Variants in HAVCR2 observed in about 807,000 individuals in gnomAD.
The protein encoded by HAVCR2 is hepatitis A virus cellular receptor 2.
Under a neutral mutation model 24.7 loss-of-function variants are expected in HAVCR2, and 13 were observed. The observed-to-expected ratio is 0.53, with a 90% confidence interval of 0.34 to 0.84. The LOEUF is 0.84. HAVCR2 is among the 40% of genes least tolerant of loss of function. The pLI, the probability that HAVCR2 is intolerant of heterozygous loss-of-function variation, is 0.01. For synonymous variants in HAVCR2, 154 were observed against 143.4 expected (o/e 1.07, Z -0.53); for missense variants, 343 against 371.2 (o/e 0.92, Z 0.62).
chr5:157,108,761 C>A (rs992915297), intron 1 of HAVCR2, among the ~76,000 whole-genome samples, 165 bp downstream of exon 1: 10 of 152,174 alleles, frequency 6.6e-5, no homozygotes, highest in African/African-American at 2.4e-4. Context: ...CTGTTTGTAT[C>A]ATGATTATAT....
intron 2 of HAVCR2, among the ~76,000 whole-genome samples, chr5:157,105,262 C>A (rs927772858): frequency 4.6e-5 from 7 of 152,116 alleles, no homozygotes; most frequent in African/African-American, 1.7e-4. Flanking sequence ...CAGGGTTTCT[C>A]CATGTTGGTC....
chr5:157,107,972 A>G (rs1433803206), intron 1 of HAVCR2, among the ~76,000 whole-genome samples: 2 of 151,492 alleles, frequency 1.3e-5, no homozygotes, highest in Non-Finnish European at 2.9e-5. Context: ...CCTGTCTCTC[A>G]GGTGCCTCCT....
At chr5:157,099,986 G>A (rs576436529) in intron 3 of HAVCR2, among the ~76,000 whole-genome samples, 5 of 152,288 alleles carry the variant, frequency 3.3e-5, no homozygotes, top group Admixed American at 6.5e-5. Flanking sequence ...GTGAGCCACC[G>A]TGCCGTGCCC....
intron 1 of HAVCR2, among the ~76,000 whole-genome samples, chr5:157,108,129 T>C (rs1757278866): frequency 6.6e-6 from 1 of 152,078 alleles, no homozygotes; most frequent in Non-Finnish European, 1.5e-5. Flanking sequence ...ATTTTTTATG[T>C]CCCCTTTGTT....
chr5:157,108,758 T>C (rs112924870), intron 1 of HAVCR2, among the ~76,000 whole-genome samples, 168 bp downstream of exon 1: 1 of 152,244 alleles, frequency 6.6e-6, no homozygotes, highest in Non-Finnish European at 1.5e-5. Flanking sequence ...TCACTGTTTG[T>C]ATCATGATTA....
intron 3 of HAVCR2, among the ~76,000 whole-genome samples, chr5:157,102,796 G>T (rs950565254): frequency 6.6e-6 from 1 of 152,070 alleles, no homozygotes; most frequent in Non-Finnish European, 1.5e-5. Flanking sequence ...TTAGCGGGGC[G>T]TGGTGGCGCG....
chr5:157,105,731 C>CT (rs1757237929), intron 2 of HAVCR2, among the ~76,000 whole-genome samples: 1 of 152,178 alleles, frequency 6.6e-6, no homozygotes, highest in Non-Finnish European at 1.5e-5. Flanking sequence ...GTCTGTTCAC[C>CT]TCCCAGCATA....
In HAVCR2 at chr5:157,106,866, C is replaced by T; in HGVS notation, c.155G>A (p.Cys52Tyr). Residue 52 changes from cysteine (C) to tyrosine (Y), a missense_variant, in exon 2 of 7, where the codon TGC (cysteine) becomes TAC (tyrosine). Transcript: ENST00000307851. ...PAAPGNLVPV[C>Y]WGKGACPVFE... ...CACAGGACAGGCTCCTTTGCCCCAG[C>T]AGACGGGCACGAGGTTCCCTGGGGC... 6.2e-7 allele frequency: 1 copy of T among 1,614,222 alleles called. No homozygotes were observed. Among genetic ancestry groups the T allele is most frequent in the Non-Finnish European group, 8.5e-7 (1 of 1,180,042 alleles).
At chr5:157,099,902 G>T (rs538067649) in intron 3 of HAVCR2, among the ~76,000 whole-genome samples, 5 of 152,110 alleles carry the variant, frequency 3.3e-5, no homozygotes, top group African/African-American at 1.2e-4. Flanking sequence ...CGCCATGTTG[G>T]CCAGGCTAGT....
At chr5:157,099,106 C>A (rs1757135177) in intron 3 of HAVCR2, among the ~76,000 whole-genome samples, 1 of 152,094 alleles carries the variant, frequency 6.6e-6, no homozygotes, top group Non-Finnish European at 1.5e-5. Flanking sequence ...AGGATGGCCA[C>A]ATTTTTTCAT....
At chr5:157,104,826 A>G (rs1390057186) in intron 2 of HAVCR2, 77 bp from the exon 3 acceptor site, 16 of 1,043,832 alleles carry the variant, frequency 1.5e-5, no homozygotes, top group Non-Finnish European at 2.3e-5. Flanking sequence ...AGGGGCAGCA[A>G]GAAAAAAATG....
chr5:157,096,203 C>A, intron 4 of HAVCR2, among the ~76,000 whole-genome samples: 1 of 128,380 alleles, frequency 7.8e-6, no homozygotes, highest in Non-Finnish European at 1.5e-5. Flanking sequence ...GCACGCCAAC[C>A]TGGGCAACAG....
At chr5:157,096,000 C>T (rs557632487) in intron 4 of HAVCR2, among the ~76,000 whole-genome samples, 5 of 152,056 alleles carry the variant, frequency 3.3e-5, no homozygotes, top group South Asian at 4.1e-4. Flanking sequence ...CCTAGGCAGG[C>T]GGATCACCTG....
intron 1 of HAVCR2, chr5:157,107,238 C>G (rs1296750415): frequency 2.6e-6 from 1 of 382,866 alleles, no homozygotes; most frequent in African/African-American, 2.0e-5. Context: ...AACAAGTTCT[C>G]AAGTGTTGCT....
At chr5:157,106,409 T>A in intron 2 of HAVCR2, 1 of 552,646 alleles carries the variant, frequency 1.8e-6, no homozygotes, top group Non-Finnish European at 3.2e-6. Flanking sequence ...GGATTAGAGG[T>A]GTGAGCCACC....
At chr5:157,108,019 C>T (rs1428587136) in intron 1 of HAVCR2, among the ~76,000 whole-genome samples, 2 of 151,698 alleles carry the variant, frequency 1.3e-5, no homozygotes, top group Admixed American at 6.6e-5. Flanking sequence ...ATGATTGAGA[C>T]TTGTCTCCTC....
At chr5:157,088,853 C>G in intron 6 of HAVCR2, 88 bp downstream of exon 6, 1 of 1,143,160 alleles carries the variant, frequency 8.7e-7, no homozygotes, top group Non-Finnish European at 1.3e-6. Context: ...AGCCCCAGGA[C>G]AGGATTTCTC....
intron 5 of HAVCR2, 63 bp downstream of exon 5, chr5:157,095,243 G>C: frequency 1.3e-6 from 2 of 1,570,498 alleles, no homozygotes; most frequent in Non-Finnish European, 1.7e-6. Context: ...TTTCTATCTA[G>C]GTTTTTACTG....
At chr5:157,093,539 C>T (rs1325779118) in intron 5 of HAVCR2, among the ~76,000 whole-genome samples, 1 of 152,158 alleles carries the variant, frequency 6.6e-6, no homozygotes, top group African/African-American at 2.4e-5. Flanking sequence ...GCTCACTCTA[C>T]ACACACAGTC....
Sources: gnomAD v4.1 joint callset for allele counts (sites outside exome capture counted in the v4.1 genomes callset) on GRCh38, gnomAD v4.1.1 for gene constraint, MANE v1.5 for transcripts, NCBI Gene and HGNC (gene_info 2026-07-23, HGNC 2026-07-21) for gene names.